Variants in ASB2 observed in about 807,000 individuals in gnomAD.
The protein encoded by ASB2 is ankyrin repeat and SOCS box protein 2.
Under a neutral mutation model 62.4 loss-of-function variants are expected in ASB2, and 58 were observed. The observed-to-expected ratio is 0.93, with a 90% CI of 0.75 to 1.16. The LOEUF is 1.16. Ranked by LOEUF, ASB2 falls within the 50% of genes most tolerant of loss-of-function variation. The pLI, the probability that ASB2 is intolerant of heterozygous loss-of-function variation, is 0.00. For missense variants in ASB2, 928 were observed against 887.9 expected, an observed-to-expected ratio of 1.05 and a Z score of -0.57; for synonymous variants, 386 against 385.3, an observed-to-expected ratio of 1.00 and a Z score of -0.02.
chr14:93,939,741 C>T, intron 7 of ASB2, 69 bp from the exon 8 acceptor site: 1 of 1,244,468 alleles, frequency 8.0e-7, no homozygotes, highest in Non-Finnish European at 1.0e-6. Flanking sequence ...CCGGCCCCGC[C>T]AGCAGGAGAG....
chr14:93,962,049 C>T (rs906700224), intron 2 of ASB2, among the ~76,000 whole-genome samples: 1 of 150,130 alleles, frequency 6.7e-6, no homozygotes, highest in Admixed American at 6.7e-5. Context: ...TAATGTGTGG[C>T]AGGCACATGG....
chr14:93,958,025 C>G (rs1422555750), intron 2 of ASB2, among the ~76,000 whole-genome samples: 1 of 152,180 alleles, frequency 6.6e-6, no homozygotes, highest in Non-Finnish European at 1.5e-5. Context: ...CCTACAGATT[C>G]TGTGGGTACA....
intron 9 of ASB2, 28 bp from the exon 10 acceptor site, chr14:93,934,820 TG>T: frequency 6.2e-7 from 1 of 1,601,206 alleles, no homozygotes; most frequent in Non-Finnish European, 8.6e-7. Context: ...AGACAGAGGC[TG>T]ATTTGTCATT....
chr14:93,957,354 C>T, intron 2 of ASB2: 3 of 1,025,378 alleles, frequency 2.9e-6, no homozygotes, highest in Non-Finnish European at 3.5e-6. Flanking sequence ...ACCTGTGCCC[C>T]CCACGCCCAC....
chr14:93,942,195 C>A (rs1888551819), intron 7 of ASB2: 1 of 455,968 alleles, frequency 2.2e-6, no homozygotes, highest in Admixed American at 2.3e-5. Context: ...CCACTTCTCC[C>A]ACAGGCACGT....
At chr14:93,939,778 C>T (rs1409149352) in intron 7 of ASB2, 106 bp from the exon 8 acceptor site, 1 of 946,218 alleles carries the variant, frequency 1.1e-6, no homozygotes, top group African/African-American at 1.7e-5. Flanking sequence ...GGCTGGTCGC[C>T]CTGACCGCGG....
chr14:93,950,796 A>C (rs1888924046), intron 6 of ASB2, among the ~76,000 whole-genome samples: 1 of 149,066 alleles, frequency 6.7e-6, no homozygotes, highest in Non-Finnish European at 1.5e-5. Context: ...GGCAGATGTC[A>C]CTAGTGGATC....
intron 2 of ASB2, among the ~76,000 whole-genome samples, chr14:93,958,952 A>G (rs1359880047): frequency 1.3e-5 from 2 of 152,242 alleles, no homozygotes; most frequent in Non-Finnish European, 2.9e-5. Flanking sequence ...TAGTAATGGC[A>G]GCAGCAATGG....
intron 1 of ASB2, among the ~76,000 whole-genome samples, chr14:93,968,678 G>A (rs892328970): frequency 1.3e-5 from 2 of 152,126 alleles, no homozygotes; most frequent in African/African-American, 2.4e-5. Context: ...GAGGGTACAC[G>A]CAGAGGGAGG....
At chr14:93,947,590 C>T (rs1413715455) in intron 6 of ASB2, 70 bp from the exon 7 acceptor site, 75 of 1,530,544 alleles carry the variant, frequency 4.9e-5, no homozygotes, top group South Asian at 9.1e-5. Context: ...GTAACGCCAC[C>T]GCGTGGTGGG....
intron 8 of ASB2, 125 bp downstream of exon 8, chr14:93,938,983 A>G: frequency 2.4e-6 from 2 of 846,820 alleles, no homozygotes; most frequent in Non-Finnish European, 1.7e-6. Flanking sequence ...GAAGGGTGTT[A>G]ATCACTAGTC....
intron 3 of ASB2, among the ~76,000 whole-genome samples, chr14:93,955,882 G>A (rs1889177055): frequency 6.6e-6 from 1 of 152,182 alleles, no homozygotes; most frequent in Non-Finnish European, 1.5e-5. Flanking sequence ...ACTCAGAGGG[G>A]ACAGCGACTC....
intron 3 of ASB2, 133 bp downstream of exon 3, chr14:93,956,633 G>A (rs1333687107): frequency 3.3e-6 from 4 of 1,210,518 alleles, no homozygotes; most frequent in Admixed American, 3.9e-5. Flanking sequence ...CCCCTAGAAG[G>A]AGCGTGCCTG....
In ASB2 at chr14:93,956,844, G is replaced by A. The variant is rs377036265; in HGVS notation, c.233C>T (p.Pro78Leu). Residue 78 changes from proline (P) to leucine (L), a missense_variant, in exon 3 of 10, where the codon CCG becomes CTG. By Grantham distance (98) the Pro-to-Leu change is moderately conservative. Coordinates refer to ENST00000555019, the MANE Select transcript of ASB2 (RefSeq NM_001202429.2). ...TRSTAPPESS[P>L]ARAPMGLFQG... ...GAACAAGCCCATTGGGGCCCGGGCC[G>A]GCGAACTCTCAGGAGGTGCAGTGGA... The A allele has an allele frequency of 1.1e-4, 181 of 1,614,190 alleles. 1 individual carries two copies. The highest frequency in any genetic ancestry group is 9.6e-4 in the East Asian group (43 of 44,880).
chr14:93,953,242 G>T, intron 5 of ASB2, 110 bp downstream of exon 5: 1 of 973,516 alleles, frequency 1.0e-6, no homozygotes, highest in South Asian at 1.9e-5. Flanking sequence ...TTGTGCATTT[G>T]AGCAGGGCCA....
intron 1 of ASB2, among the ~76,000 whole-genome samples, chr14:93,966,907 G>A (rs1200833811): frequency 1.3e-5 from 2 of 152,170 alleles, no homozygotes. Flanking sequence ...AATATGTCAG[G>A]TGGCCAGTCT....
At chr14:93,942,089 G>C in intron 7 of ASB2, 2 of 441,736 alleles carry the variant, frequency 4.5e-6, no homozygotes, top group South Asian at 3.1e-5. Context: ...CACGTTGGTA[G>C]CCCCACTGCA....
chr14:93,947,197 T>G, intron 7 of ASB2, 152 bp downstream of exon 7: 1 of 778,896 alleles, frequency 1.3e-6, no homozygotes, highest in South Asian at 1.8e-5. Flanking sequence ...GTTTCCCTCC[T>G]TTCCATGGGA....
At chr14:93,939,050 C>T (rs1595299803) in intron 8 of ASB2, 58 bp downstream of exon 8, 8 of 1,369,328 alleles carry the variant, frequency 5.8e-6, no homozygotes, top group African/African-American at 4.6e-5. Context: ...CATGCGCGCG[C>T]GCGTCCCTGG....
Sources: allele counts gnomAD v4.1 joint callset (sites outside exome capture counted in the v4.1 genomes callset), GRCh38; gene constraint gnomAD v4.1.1; transcripts MANE v1.5; gene names NCBI Gene and HGNC (gene_info 2026-07-23, HGNC 2026-07-21).